The following CPEB3 variants were observed in gnomAD, a reference collection of about 807,000 sequenced individuals.
CPEB3 encodes cytoplasmic polyadenylation element binding protein 3.
In CPEB3, 20 loss-of-function variants were observed where a neutral mutation model predicts 67.2. The ratio of observed to expected loss-of-function variants is 0.30; its 90% confidence interval spans 0.21 to 0.43. CPEB3 has a LOEUF of 0.43. Ranked by LOEUF, CPEB3 falls within the 20% of genes least tolerant of loss-of-function variation. CPEB3 has a pLI of 1.00. For missense variants in CPEB3, 746 were observed against 968.6 expected, an observed-to-expected ratio of 0.77 and a Z score of 3.05; for synonymous variants, 376 against 393.1, an observed-to-expected ratio of 0.96 and a Z score of 0.51.
intron 9 of CPEB3, among the ~76,000 whole-genome samples, chr10:92,072,013 C>T (rs1590073629): frequency 6.6e-6 from 1 of 152,112 alleles, no homozygotes; most frequent in Non-Finnish European, 1.5e-5. Flanking sequence ...ATACTTTAAA[C>T]TCAGTTTTTT....
rs560847432 is a variant in CPEB3 at position 92,146,991 on chromosome 10, C to T, written c.1223-1906G>A. Among the ~76,000 whole-genome samples the T allele has an allele frequency of 3.3e-5, 5 of 152,330 alleles. No homozygotes were observed. In the East Asian group the frequency reaches 9.6e-4, roughly 29 times the overall value. ...AGTGTCAGGCACATGCGCAAATCAG[C>T]ATTTCCCAGTGAGTGTTCCCAAACC... is the stretch of plus-strand genomic sequence containing the variant. On this transcript the variant is annotated intron_variant, in intron 4 of 9. Coordinates refer to ENST00000265997, the MANE Select transcript of CPEB3 (RefSeq NM_014912.5).
Position 92,091,860 on chromosome 10 carries a change from C to A in CPEB3, c.1657G>T (p.Val553Phe). The change falls in exon 8 of 10, where the codon GTT becomes TTT. Residue 553 changes from valine to phenylalanine, a missense_variant. By Grantham distance (50) the Val-to-Phe change is conservative. Coordinates refer to ENST00000265997, the MANE Select transcript of CPEB3 (RefSeq NM_014912.5). Reference sequence around the variant, plus strand: ...CGAAGGGGTCGTGGAACTCCCCCAACAAAGATAGTTTTTCTGGGGTCCAAA... The same window carrying A: ...CGAAGGGGTCGTGGAACTCCCCCAAAAAAGATAGTTTTTCTGGGGTCCAAA... ...QPLDPRKTIF[V>F]GGVPRPLRAV... The A allele has an allele frequency of 6.2e-7, 1 of 1,613,396 alleles. No individual in the cohort carries two copies. The highest frequency in any genetic ancestry group is 8.5e-7 in the Non-Finnish European group (1 of 1,179,512).
intron 2 of CPEB3, among the ~76,000 whole-genome samples, chr10:92,223,650 C>T (rs951379318): frequency 2.0e-5 from 3 of 149,770 alleles, no homozygotes; most frequent in African/African-American, 7.4e-5. Context: ...CTCGGATCAC[C>T]GCAACCTCCG....
intron 8 of CPEB3, among the ~76,000 whole-genome samples, chr10:92,083,622 CT>C (rs1843245864): frequency 6.6e-6 from 1 of 152,118 alleles, no homozygotes. Context: ...AATAAGTAAC[CT>C]CAGGACCCTG....
intron 1 of CPEB3, among the ~76,000 whole-genome samples, chr10:92,262,662 C>T (rs1416326131): frequency 3.3e-5 from 5 of 152,102 alleles, no homozygotes; most frequent in African/African-American, 9.6e-5. Flanking sequence ...GCCTGGGCAA[C>T]ATACAGAGAT....
intron 9 of CPEB3, among the ~76,000 whole-genome samples, chr10:92,062,795 G>T (rs1005353790): frequency 5.3e-5 from 8 of 152,212 alleles, no homozygotes; most frequent in Non-Finnish European, 1.2e-4. Context: ...ATACCAGTCT[G>T]GTGAGATCAC....
At chr10:92,176,616 C>T (rs781554197) in intron 4 of CPEB3, among the ~76,000 whole-genome samples, 12 of 152,212 alleles carry the variant, frequency 7.9e-5, no homozygotes, top group Non-Finnish European at 1.6e-4. Flanking sequence ...CGATATTTAT[C>T]TGTTTTCCCA....
intron 1 of CPEB3, among the ~76,000 whole-genome samples, chr10:92,261,502 C>T (rs1197015027): frequency 2.6e-5 from 4 of 152,110 alleles, no homozygotes; most frequent in African/African-American, 9.7e-5. Flanking sequence ...GGCTGGAGTG[C>T]AATGGCGTGA....
At chr10:92,134,747 T>C (rs1014231865) in intron 6 of CPEB3, among the ~76,000 whole-genome samples, 12 of 151,956 alleles carry the variant, frequency 7.9e-5, no homozygotes, top group Non-Finnish European at 1.3e-4. Flanking sequence ...GGCATCATGC[T>C]ACCTGACTTC....
At chr10:92,215,213 T>G (rs1850296893) in intron 2 of CPEB3, among the ~76,000 whole-genome samples, 1 of 151,006 alleles carries the variant, frequency 6.6e-6, no homozygotes. Context: ...AGTGCAGTAG[T>G]GCAATCTCAG....
rs1006894463 is a variant in CPEB3, at chr10:92,048,260, A to G, written c.*3952T>C. On this transcript the variant is annotated 3_prime_UTR_variant, in exon 10 of 10. Transcript: ENST00000265997. The surrounding 1 kb of genome is among the most constrained non-coding windows in gnomAD (Gnocchi z 4.1). ...CCACGAAAGCCGTGTCCTCTTAGCA[A>G]CTTCCTGTATGACTCCGATATCACC... The G allele has an allele frequency of 2.0e-5, 3 of 152,178 alleles. No homozygotes were observed. Among genetic ancestry groups the G allele is most frequent in the Non-Finnish European group, 2.9e-5 (2 of 68,096 alleles). 9.4% of individuals were successfully genotyped at this position (152,178 alleles called of 1,614,324 possible).
chr10:92,048,850 T>A lies in CPEB3; in HGVS notation c.*3362A>T, dbSNP rs971702225. The stretch of plus-strand genomic sequence containing the variant: ...AACTGAAAATGAAAAAAATAAACTT[T>A]TAAAGAATTAGCATCATAAAATTAA... On this transcript the variant is annotated 3_prime_UTR_variant, in exon 10 of 10. Transcript: ENST00000265997. The surrounding 1 kb of genome is among the most constrained non-coding windows in gnomAD (Gnocchi z 4.1). The A allele has an allele frequency of 6.6e-6, 1 of 152,512 alleles. No individual in the cohort carries two copies. The highest frequency in any genetic ancestry group is 2.1e-4 in the South Asian group (1 of 4,814). The allele number at this position is 152,512 out of a possible 1,614,324, so 9.4% of individuals were successfully genotyped here. A position where few individuals can be genotyped will look rare whatever the true frequency, so the allele number is the denominator to read the frequency against.
chr10:92,135,853 C>G (rs1175338332), intron 6 of CPEB3, among the ~76,000 whole-genome samples: 3 of 152,098 alleles, frequency 2.0e-5, no homozygotes, highest in African/African-American at 7.2e-5. Context: ...GAGTTCATGT[C>G]CTTTGTAGGG....
chr10:92,189,082 T>C (rs1296472475), intron 3 of CPEB3, among the ~76,000 whole-genome samples: 1 of 152,194 alleles, frequency 6.6e-6, no homozygotes, highest in Non-Finnish European at 1.5e-5. Context: ...ACTGAATACA[T>C]TTCTAAGATA....
At chr10:92,276,648 C>T (rs1297560435) in intron 1 of CPEB3, among the ~76,000 whole-genome samples, 2 of 152,158 alleles carry the variant, frequency 1.3e-5, no homozygotes, top group South Asian at 2.1e-4. Context: ...AAAGTAAAAA[C>T]ATTCATGTAC....
At chr10:92,062,927 T>TG (rs1454167138) in intron 9 of CPEB3, among the ~76,000 whole-genome samples, 15 of 152,198 alleles carry the variant, frequency 9.9e-5, no homozygotes, top group Non-Finnish European at 2.1e-4. Context: ...GAACTACCTA[T>TG]GGAGAGACAT....
At chr10:92,231,814 G>A (rs1851282882) in intron 2 of CPEB3, among the ~76,000 whole-genome samples, 1 of 151,980 alleles carries the variant, frequency 6.6e-6, no homozygotes, top group South Asian at 2.1e-4. Context: ...CCGCCTCCCG[G>A]GTTCAAGTGA....
At chr10:92,134,841 G>A (rs965624852) in intron 6 of CPEB3, among the ~76,000 whole-genome samples, 1 of 151,752 alleles carries the variant, frequency 6.6e-6, no homozygotes, top group Non-Finnish European at 1.5e-5. Flanking sequence ...ATAGAACAGA[G>A]GCCTCAGAAA....
chr10:92,242,962 C>T (rs1404548190), intron 1 of CPEB3, among the ~76,000 whole-genome samples: 2 of 152,136 alleles, frequency 1.3e-5, no homozygotes, highest in Admixed American at 6.5e-5. Flanking sequence ...TAGTATTCAA[C>T]GTCTCTCAGC....
Sources: gnomAD v4.1 joint callset for allele counts (sites outside exome capture counted in the v4.1 genomes callset) on GRCh38, gnomAD v4.1.1 for gene constraint, Gnocchi (gnomAD v3.1) non-coding constraint, MANE v1.5 for transcripts, NCBI Gene and HGNC (gene_info 2026-07-23, HGNC 2026-07-21) for gene names.